CPZ: variants seen among roughly 807,000 people sequenced by gnomAD.
CPZ encodes the protein VEZT/CPZ fusion.
A neutral mutation model predicts 61.8 loss-of-function variants in CPZ; 103 were observed. That is an observed-to-expected ratio of 1.67 (90% CI 1.42 to 1.96). The LOEUF (loss-of-function observed/expected upper bound fraction) is 1.96. Ranked by LOEUF, CPZ falls within the 30% of genes most tolerant of loss-of-function variation. CPZ has a pLI of 0.00. For synonymous variants in CPZ, 551 were observed against 373.7 expected (o/e 1.47, Z -5.47); for missense variants, 1,461 against 914.9 (o/e 1.60, Z -7.70).
Position 8,607,251 on chromosome 4 carries a change from C to T in CPZ, c.1069-16C>T, listed in dbSNP as rs763023404. Reference sequence around the variant, plus strand: ...GAAAGCCCAGCCCTGAGGGCGGCCTCGTCTGTCCTGGGCAGGTGGCCCCGG... The same window carrying T: ...GAAAGCCCAGCCCTGAGGGCGGCCTTGTCTGTCCTGGGCAGGTGGCCCCGG... On this transcript the variant is annotated splice_polypyrimidine_tract_variant and intron_variant, in intron 6 of 10. Coordinates refer to ENST00000360986, the MANE Select transcript of CPZ (RefSeq NM_001014447.3). The T allele has an allele frequency of 3.1e-6, 5 of 1,612,924 alleles. No homozygotes were observed. The highest frequency in any genetic ancestry group is 2.2e-5 in the East Asian group (1 of 44,852).
At chr4:8,608,678 G>A (rs959010141) in intron 7 of CPZ, among the ~76,000 whole-genome samples, 1 of 151,792 alleles carries the variant, frequency 6.6e-6, no homozygotes, top group Non-Finnish European at 1.5e-5. Context: ...ACGTGCATAT[G>A]TTGGGGTGGG....
At chr4:8,599,539 A>C (rs764574237) in intron 2 of CPZ, 54 bp downstream of exon 2, 11 of 1,606,282 alleles carry the variant, frequency 6.8e-6, no homozygotes, top group Admixed American at 1.7e-5. Context: ...TGCAGCCCCC[A>C]CACTGTCAGA....
intron 9 of CPZ, 117 bp downstream of exon 9, chr4:8,614,615 T>C (rs1263582490): frequency 9.4e-7 from 1 of 1,067,278 alleles, no homozygotes; most frequent in South Asian, 1.7e-5. Flanking sequence ...ATGCTCCTTT[T>C]GCCACCACTT....
intron 7 of CPZ, among the ~76,000 whole-genome samples, chr4:8,607,636 T>A (rs1265913879): frequency 6.6e-6 from 1 of 152,114 alleles, no homozygotes; most frequent in Non-Finnish European, 1.5e-5. Context: ...GCTCCCCTGA[T>A]CTCCCCGAGG....
At position 8,601,178 on chromosome 4, in the gene CPZ, C is replaced by T. The variant is rs375443271; in HGVS notation, c.177C>T (p.Thr59=). Reference sequence around the variant, plus strand: ...GCAGCGATGCCGCCTACAACCACACCACCTTCCCCAACCTGCTTCAGCACC... The same window carrying T: ...GCAGCGATGCCGCCTACAACCACACTACCTTCCCCAACCTGCTTCAGCACC... The part of the protein sequence containing the change: ...RTCSDAAYNH[T]TFPNLLQHRS... The change falls in exon 3 of 11, where the codon ACC becomes ACT. Residue 59 remains threonine (T), a synonymous_variant. Transcript: ENST00000360986. The T allele has an allele frequency of 3.7e-6, 6 of 1,607,886 alleles. No individual in the cohort carries two copies. Among genetic ancestry groups the T allele is most frequent in the Middle Eastern group, 1.6e-4 (1 of 6,066 alleles).
chr4:8,604,786 C>T (rs1275143088), intron 4 of CPZ, among the ~76,000 whole-genome samples: 2 of 152,242 alleles, frequency 1.3e-5, no homozygotes, highest in African/African-American at 4.8e-5. Flanking sequence ...CTCCATTTGA[C>T]CCTTGGTCAT....
chr4:8,607,534 C>T (rs966100723), intron 7 of CPZ, 109 bp downstream of exon 7: 23 of 1,326,480 alleles, frequency 1.7e-5, no homozygotes, highest in Non-Finnish European at 2.2e-5. Context: ...TCCTAGGAAC[C>T]TCTACTCAGA....
chr4:8,609,282 A>C (rs1715428921), intron 7 of CPZ, among the ~76,000 whole-genome samples: 1 of 113,916 alleles, frequency 8.8e-6, no homozygotes, highest in Admixed American at 8.4e-5. Flanking sequence ...TTCACACACT[A>C]ATTTTCTCAG....
chr4:8,609,242 TCACTCATCA>T (rs1715418853), intron 7 of CPZ, among the ~76,000 whole-genome samples: 3 of 55,670 alleles, frequency 5.4e-5, no homozygotes, highest in Non-Finnish European at 1.0e-4. Flanking sequence ...TGTCACTCAT[TCACTCATCA>T]CTCACTCATT....
In CPZ at chr4:8,592,773, GGCCCCGCGCGGC is replaced by G; in HGVS notation, c.-60_-49del. 1.6e-6 allele frequency: 2 copies of G among 1,233,054 alleles called. No homozygotes were observed. The highest frequency in any genetic ancestry group is 2.1e-6 in the Non-Finnish European group (2 of 949,036). The allele number at this position is 1,233,054 out of a possible 1,614,324, so 76.4% of individuals were successfully genotyped here. On this transcript the variant is annotated 5_prime_UTR_variant, in exon 1 of 11. Coordinates refer to ENST00000360986, the MANE Select transcript of CPZ (RefSeq NM_001014447.3). ...GGGAGCCCAGCGAGCGCAGAGCCCC[GGCCCCGCGCGGC>G]CCGAGTGCCACATCACTGCGCTGGC...
At chr4:8,594,264 A>G (rs1714012927) in intron 1 of CPZ, among the ~76,000 whole-genome samples, 1 of 152,168 alleles carries the variant, frequency 6.6e-6, no homozygotes, top group South Asian at 2.1e-4. Flanking sequence ...CCACAGGCAG[A>G]AGTGGGCAGA....
chr4:8,593,942 G>C (rs1327087130), intron 1 of CPZ, among the ~76,000 whole-genome samples: 1 of 152,174 alleles, frequency 6.6e-6, no homozygotes, highest in African/African-American at 2.4e-5. Context: ...CCGTGTTGTG[G>C]GTGGGCCTCC....
chr4:8,612,629 C>T (rs1181174090), intron 8 of CPZ, among the ~76,000 whole-genome samples: 3 of 152,166 alleles, frequency 2.0e-5, no homozygotes, highest in South Asian at 2.1e-4. Flanking sequence ...CTCTGGAGCC[C>T]GACTTGAAGC....
chr4:8,608,641 C>CGTGTGTGTGTGTGTAGGCCT (rs57341669), intron 7 of CPZ, among the ~76,000 whole-genome samples: 1 of 151,418 alleles, frequency 6.6e-6, no homozygotes, highest in African/African-American at 2.4e-5. Context: ...TGTGAGTGCA[C>CGTGTGTGTGTGTGTAGGCCT]GTGTGTGCGT....
rs1386545871 is a variant in CPZ, at chr4:8,612,081, A to C, written c.1282A>C (p.Arg428=). ...TGACGTCCACCCCATGATGATGGAC[A>C]GGTCGGAGAATAGGTGTGGAGGCAA... ...YADVHPMMMD[R]SENRCGGNFL... is the part of the protein sequence containing the mutation. Residue 428 remains arginine (R), a synonymous_variant, in exon 8 of 11, where the codon AGG becomes CGG. Coordinates refer to ENST00000360986, the MANE Select transcript of CPZ (RefSeq NM_001014447.3). 6.2e-7 allele frequency: 1 copy of C among 1,612,182 alleles called. No homozygotes were observed. Among genetic ancestry groups the C allele is most frequent in the Non-Finnish European group, 8.5e-7 (1 of 1,178,904 alleles).
At position 8,609,117 on chromosome 4, in the gene CPZ, C is replaced by CACTCACCCCCTT. The variant is rs1560297856; in HGVS notation, c.1227+1692_1227+1693insACTCACCCCCTT. ...TCACTCACTCACTCCCTTCCTCACT[C>CACTCACCCCCTT]CCTCACTCATTCACTCATTTACTCA... On this transcript the variant is annotated intron_variant, in intron 7 of 10. Coordinates refer to ENST00000360986, the MANE Select transcript of CPZ (RefSeq NM_001014447.3). 5.2e-3 allele frequency among the ~76,000 whole-genome samples: 202 copies of CACTCACCCCCTT among 39,032 alleles called. 1 individual carries two copies. The highest frequency in any genetic ancestry group is 0.031 in the African/African-American group (189 of 6,184). The allele number at this position is 39,032 out of a possible 152,430, so 25.6% of individuals were successfully genotyped here. A position where few individuals can be genotyped will look rare whatever the true frequency, so the allele number is the denominator to read the frequency against.
At chr4:8,612,314 G>A in intron 8 of CPZ, 152 bp downstream of exon 8, 1 of 689,180 alleles carries the variant, frequency 1.5e-6, no homozygotes, top group Non-Finnish European at 2.3e-6. Flanking sequence ...AGAGGAGGCT[G>A]GCGTGAGTTT....
chr4:8,612,186 T>TGGGGTG, intron 8 of CPZ, 24 bp downstream of exon 8: 1 of 179,706 alleles, frequency 5.6e-6, no homozygotes. Flanking sequence ...AGGGCGGGAC[T>TGGGGTG]GGGCGGGGGG....
At chr4:8,618,229 C>T in intron 9 of CPZ, 200 bp from the exon 10 acceptor site, 4 of 591,846 alleles carry the variant, frequency 6.8e-6, no homozygotes, top group Non-Finnish European at 1.2e-5. Context: ...GGGTCAATTG[C>T]CAGGGAGGAA....
Sources: gnomAD v4.1 joint callset for allele counts (sites outside exome capture counted in the v4.1 genomes callset) on GRCh38, gnomAD v4.1.1 for gene constraint, MANE v1.5 for transcripts, NCBI Gene and HGNC (gene_info 2026-07-23, HGNC 2026-07-21) for gene names.